RAB27B: variants seen among roughly 807,000 people sequenced by gnomAD.
RAB27B encodes ras-related protein Rab-27B.
Under a neutral mutation model 24.6 loss-of-function variants are expected in RAB27B, and 15 were observed. That is an observed-to-expected ratio of 0.61 (90% CI 0.41 to 0.94). The LOEUF is 0.94. Ranked by LOEUF, RAB27B falls within the 40% of genes least tolerant of loss-of-function variation. RAB27B has a pLI of 0.00. For synonymous variants in RAB27B, 105 were observed against 92.5 expected, an observed-to-expected ratio of 1.14 and a Z score of -0.78; for missense variants, 261 against 266.8, an observed-to-expected ratio of 0.98 and a Z score of 0.15.
intron 3 of RAB27B, among the ~76,000 whole-genome samples, chr18:54,882,920 A>T (rs561279459): frequency 2.6e-5 from 4 of 152,292 alleles, no homozygotes; most frequent in Admixed American, 1.3e-4. Flanking sequence ...AGGGTCCCAA[A>T]CAAAACTGGA....
At chr18:54,834,597 G>C (rs992647620) in intron 1 of RAB27B, among the ~76,000 whole-genome samples, 3 of 151,970 alleles carry the variant, frequency 2.0e-5, no homozygotes, top group Non-Finnish European at 4.4e-5. Context: ...ATGATAGGTA[G>C]AGATAGATAA....
intron 2 of RAB27B, among the ~76,000 whole-genome samples, chr18:54,756,458 GT>G (rs1055003014): frequency 1.3e-5 from 2 of 151,774 alleles, no homozygotes; most frequent in South Asian, 2.1e-4. Flanking sequence ...TTTCTACCAT[GT>G]TTTTTTTCCT....
chr18:54,850,934 C>T (rs1482215523), intron 1 of RAB27B, among the ~76,000 whole-genome samples: 1 of 152,006 alleles, frequency 6.6e-6, no homozygotes, highest in Non-Finnish European at 1.5e-5. Context: ...AGGCCTCCTA[C>T]TCATTAGCTG....
intron 2 of RAB27B, among the ~76,000 whole-genome samples, chr18:54,735,832 T>A (rs1158897235): frequency 6.6e-6 from 1 of 152,104 alleles, no homozygotes; most frequent in Non-Finnish European, 1.5e-5. Flanking sequence ...GACACTTTTG[T>A]GATAGAATTT....
intron 2 of RAB27B, among the ~76,000 whole-genome samples, chr18:54,794,009 T>G (rs749579523): frequency 3.7e-4 from 57 of 152,228 alleles, no homozygotes; most frequent in Admixed American, 1.6e-3. Context: ...AACTTTAATT[T>G]GAAAGGCAGG....
In RAB27B at chr18:54,889,227, A is replaced by G; in HGVS notation, c.471A>G (p.Ile157Met). 5 of 1,607,596 alleles carry G rather than the reference A, an allele frequency of 3.1e-6. No homozygotes were observed. Among genetic ancestry groups the G allele is most frequent in the Non-Finnish European group, 4.2e-6 (5 of 1,177,408 alleles). ...QARELADKYG[I>M]PYFETSAATG... Reference sequence around the variant, plus strand: ...TTTGCCATCCTTTCTATGCTAGCATACCATATTTTGAAACAAGTGCAGCAA... The same window carrying G: ...TTTGCCATCCTTTCTATGCTAGCATGCCATATTTTGAAACAAGTGCAGCAA... The change falls in exon 6 of 6, where the codon ATA becomes ATG. Residue 157 changes from isoleucine (I) to methionine (M), a missense_variant. By Grantham distance (10) the Ile-to-Met change is conservative (BLOSUM62 1). Coordinates refer to ENST00000262094, the MANE Select transcript of RAB27B (RefSeq NM_004163.4).
intron 2 of RAB27B, among the ~76,000 whole-genome samples, chr18:54,741,291 G>A (rs1236950366): frequency 1.3e-5 from 2 of 152,044 alleles, no homozygotes; most frequent in African/African-American, 4.8e-5. Context: ...AAGCTAAAGA[G>A]GTTTATCACC....
intron 2 of RAB27B, among the ~76,000 whole-genome samples, chr18:54,764,127 C>T (rs1444013744): frequency 6.6e-6 from 1 of 152,080 alleles, no homozygotes; most frequent in Non-Finnish European, 1.5e-5. Flanking sequence ...TTATGGATAC[C>T]TCTTTCTTCC....
chr18:54,734,375 A>G (rs991018253), intron 2 of RAB27B, among the ~76,000 whole-genome samples: 1 of 152,120 alleles, frequency 6.6e-6, no homozygotes, highest in Non-Finnish European at 1.5e-5. Flanking sequence ...AGACTCTGGA[A>G]CTGTCTTTTG....
chr18:54,762,031 AAAG>A (rs1033315639), intron 2 of RAB27B, among the ~76,000 whole-genome samples: 46 of 152,198 alleles, frequency 3.0e-4, no homozygotes, highest in African/African-American at 1.1e-3. Flanking sequence ...GAAACACAGC[AAAG>A]AAGGAGATGT....
At chr18:54,786,562 T>C (rs1261554120) in intron 2 of RAB27B, among the ~76,000 whole-genome samples, 1 of 152,238 alleles carries the variant, frequency 6.6e-6, no homozygotes, top group Non-Finnish European at 1.5e-5. Flanking sequence ...CATTTAACTC[T>C]AGACACATAT....
chr18:54,718,107 T>C (rs1449689493), exon 2 of RAB27B: 5 of 152,252 alleles, frequency 3.3e-5, no homozygotes, highest in African/African-American at 1.2e-4. Context: ...GGGCTAGATA[T>C]TTCCAGAGGC....
At chr18:54,856,903 A>G (rs927804053) in intron 1 of RAB27B, among the ~76,000 whole-genome samples, 1 of 151,460 alleles carries the variant, frequency 6.6e-6, no homozygotes, top group African/African-American at 2.4e-5. Flanking sequence ...CTCTAATTCC[A>G]ATGATAAAAC....
Position 54,889,400 on chromosome 18 carries a change from A to C in RAB27B, c.644A>C (p.Lys215Thr), listed in dbSNP as rs994620598. 1.9e-6 allele frequency: 3 copies of C among 1,612,372 alleles called. No individual in the cohort carries two copies. The highest frequency in any genetic ancestry group is 2.7e-5 in the African/African-American group (2 of 74,830). Reference sequence around the variant, plus strand: ...GATGGGGAAAAGCCACCAGAGAAGAAATGTATCTGCTAGACTCTACATAGA... The same window carrying C: ...GATGGGGAAAAGCCACCAGAGAAGACATGTATCTGCTAGACTCTACATAGA... ...NLDGEKPPEK[K>T]CIC is the part of the protein sequence containing the mutation. Residue 215 changes from lysine (K) to threonine (T), a missense_variant, in exon 6 of 6, where the codon AAA becomes ACA. Lys to Thr is a moderately conservative substitution (Grantham distance 78). Transcript: ENST00000262094.
At chr18:54,804,234 A>C (rs536770864) in intron 2 of RAB27B, among the ~76,000 whole-genome samples, 10 of 152,330 alleles carry the variant, frequency 6.6e-5, no homozygotes, top group African/African-American at 2.4e-4. Context: ...CATTCAACCA[A>C]ATAACTGGTG....
intron 1 of RAB27B, among the ~76,000 whole-genome samples, chr18:54,852,592 T>C (rs932088894): frequency 2.0e-5 from 3 of 152,210 alleles, no homozygotes; most frequent in Non-Finnish European, 4.4e-5. Context: ...CTTTGATCTG[T>C]ATTAAAGCCT....
intron 2 of RAB27B, among the ~76,000 whole-genome samples, chr18:54,732,029 G>T (rs1443273128): frequency 6.6e-6 from 1 of 152,152 alleles, no homozygotes; most frequent in Non-Finnish European, 1.5e-5. Flanking sequence ...TATAAAAAAG[G>T]TGGGAAGACA....
chr18:54,771,463 G>A (rs1344290841), intron 2 of RAB27B, among the ~76,000 whole-genome samples: 3 of 152,086 alleles, frequency 2.0e-5, no homozygotes, highest in Admixed American at 1.3e-4. Context: ...GAGCAACAAC[G>A]AGCCCAACAC....
chr18:54,885,406 G>A (rs1913092666), intron 4 of RAB27B, among the ~76,000 whole-genome samples: 1 of 152,166 alleles, frequency 6.6e-6, no homozygotes, highest in South Asian at 2.1e-4. Context: ...CTGTGATGAT[G>A]TCTGGGCTTC....
Sources: gnomAD v4.1 joint callset for allele counts (sites outside exome capture counted in the v4.1 genomes callset) on GRCh38, gnomAD v4.1.1 for gene constraint, MANE v1.5 for transcripts, NCBI Gene and HGNC (gene_info 2026-07-23, HGNC 2026-07-21) for gene names.